DLG2: variants seen among roughly 807,000 people sequenced by gnomAD.
DLG2 encodes the protein discs large MAGUK scaffold protein 2.
Under a neutral mutation model 132.5 loss-of-function variants are expected in DLG2, and 45 were observed. That is an observed-to-expected ratio of 0.34 (90% CI 0.27 to 0.44). DLG2 has a LOEUF of 0.44. Ranked by LOEUF, DLG2 falls within the 20% of genes least tolerant of loss-of-function variation. The probability of loss-of-function intolerance (pLI) is 1.00; values close to 1 mark genes in which losing one functional copy is unlikely to be tolerated. For synonymous variants in DLG2, 424 were observed against 419.6 expected, an observed-to-expected ratio of 1.01 and a Z score of -0.13; for missense variants, 1,045 against 1,196.9, an observed-to-expected ratio of 0.87 and a Z score of 1.87.
At chr11:85,472,611 T>C (rs2093020976) in intron 3 of DLG2, among the ~76,000 whole-genome samples, 1 of 152,174 alleles carries the variant, frequency 6.6e-6, no homozygotes, top group South Asian at 2.1e-4. Context: ...AGCTATTCTG[T>C]TGCTCAACAA....
chr11:85,132,041 T>C (rs529426108), intron 5 of DLG2, among the ~76,000 whole-genome samples: 1 of 152,316 alleles, frequency 6.6e-6, no homozygotes, highest in South Asian at 2.1e-4. Flanking sequence ...GATTATAAAA[T>C]TTAAATACAT....
chr11:84,524,894 A>G (rs2099315670), intron 7 of DLG2, among the ~76,000 whole-genome samples: 1 of 150,744 alleles, frequency 6.6e-6, no homozygotes, highest in Admixed American at 6.6e-5. Context: ...ATTTTAAAAC[A>G]TCTGCTATTT....
chr11:84,628,038 G>C (rs1370794427), intron 6 of DLG2, among the ~76,000 whole-genome samples: 1 of 151,666 alleles, frequency 6.6e-6, no homozygotes, highest in Non-Finnish European at 1.5e-5. Context: ...TAAATTACTA[G>C]ACCTCCCAAA....
chr11:85,394,287 C>A (rs1356339734), intron 3 of DLG2, among the ~76,000 whole-genome samples: 17 of 152,158 alleles, frequency 1.1e-4, no homozygotes, highest in Admixed American at 1.0e-3. Flanking sequence ...ATGTGGTACA[C>A]CATAAATATA....
chr11:84,269,331 A>G (rs2097689505), intron 7 of DLG2, among the ~76,000 whole-genome samples: 1 of 152,252 alleles, frequency 6.6e-6, no homozygotes, highest in African/African-American at 2.4e-5. Flanking sequence ...AGACGAACAC[A>G]TGGAAAAATA....
At chr11:85,341,244 G>A (rs1292218732) in intron 3 of DLG2, among the ~76,000 whole-genome samples, 4 of 151,882 alleles carry the variant, frequency 2.6e-5, no homozygotes, top group Non-Finnish European at 5.9e-5. Context: ...TCAGCCTCCC[G>A]AGTAGCTGGG....
intron 16 of DLG2, among the ~76,000 whole-genome samples, chr11:83,854,286 G>T (rs1383469335): frequency 1.3e-5 from 2 of 152,076 alleles, no homozygotes; most frequent in African/African-American, 4.8e-5. Flanking sequence ...ACTCAATATT[G>T]TCAACATGTT....
At chr11:83,672,409 T>G (rs935220809) in intron 18 of DLG2, among the ~76,000 whole-genome samples, 3 of 152,114 alleles carry the variant, frequency 2.0e-5, no homozygotes, top group Non-Finnish European at 4.4e-5. Flanking sequence ...ACTCCTGACC[T>G]CAGGTGATCC....
intron 9 of DLG2, among the ~76,000 whole-genome samples, chr11:84,145,903 A>C (rs1051431214): frequency 6.6e-6 from 1 of 152,204 alleles, no homozygotes; most frequent in African/African-American, 2.4e-5. Flanking sequence ...TTTGATGCTT[A>C]CATCTAAAGA....
intron 6 of DLG2, among the ~76,000 whole-genome samples, chr11:84,821,508 A>G (rs2077671657): frequency 6.6e-6 from 1 of 151,546 alleles, no homozygotes; most frequent in African/African-American, 2.4e-5. Flanking sequence ...ATTATTTTAG[A>G]TTGTTTTTCA....
At chr11:83,513,567 T>C (rs188058612) in intron 21 of DLG2, among the ~76,000 whole-genome samples, 7 of 152,282 alleles carry the variant, frequency 4.6e-5, no homozygotes, top group South Asian at 2.1e-4. Flanking sequence ...CTTTTGTTGC[T>C]ATTGCTTTTA....
intron 18 of DLG2, among the ~76,000 whole-genome samples, chr11:83,638,224 C>T (rs2065369521): frequency 6.6e-6 from 1 of 152,062 alleles, no homozygotes; most frequent in South Asian, 2.1e-4. Context: ...TTGTTCCTGA[C>T]TAGGTGCATT....
chr11:84,498,665 A>G (rs2099192809), intron 7 of DLG2, among the ~76,000 whole-genome samples: 2 of 152,192 alleles, frequency 1.3e-5, no homozygotes, highest in Admixed American at 6.5e-5. Context: ...TAAAAAAATG[A>G]TATCTATGAA....
At chr11:85,025,027 C>A (rs918653129) in intron 6 of DLG2, among the ~76,000 whole-genome samples, 5 of 152,194 alleles carry the variant, frequency 3.3e-5, no homozygotes, top group Admixed American at 1.3e-4. Flanking sequence ...ATATTTACGT[C>A]TGTGCAATAT....
chr11:83,541,666 CA>C lies in DLG2; in HGVS notation c.2117+15del, dbSNP rs755448333. The C allele has an allele frequency of 6.3e-7, 1 of 1,585,760 alleles. No individual in the cohort carries two copies. Among genetic ancestry groups the C allele is most frequent in the South Asian group, 1.1e-5 (1 of 87,130 alleles). ...TAGCTGACAAGCAAATATTCTAGTA[CA>C]AAAGGCATTCTTACCTCCTTTTGCT... On this transcript the variant is annotated intron_variant, in intron 20 of 27. Transcript: ENST00000376104.
At chr11:85,150,592 T>A (rs1487642797) in intron 5 of DLG2, among the ~76,000 whole-genome samples, 1 of 152,156 alleles carries the variant, frequency 6.6e-6, no homozygotes, top group African/African-American at 2.4e-5. Context: ...AGTGGAATCA[T>A]ACAGTGTTTG....
chr11:84,449,881 A>G (rs1242963408), intron 7 of DLG2, among the ~76,000 whole-genome samples: 3 of 151,932 alleles, frequency 2.0e-5, no homozygotes, highest in Non-Finnish European at 4.4e-5. Context: ...AAAACAAGTA[A>G]TTTTAAAGTC....
At chr11:85,068,927 C>G (rs374145751) in intron 6 of DLG2, among the ~76,000 whole-genome samples, 1 of 152,136 alleles carries the variant, frequency 6.6e-6, no homozygotes. Flanking sequence ...GTAACCAAAA[C>G]AGCATGGTAC....
chr11:83,992,115 G>T (rs1371079291), intron 11 of DLG2, among the ~76,000 whole-genome samples: 1 of 152,124 alleles, frequency 6.6e-6, no homozygotes, highest in African/African-American at 2.4e-5. Context: ...GCATTTCTAA[G>T]TTGTACTCCA....
Sources: allele counts gnomAD v4.1 joint callset (sites outside exome capture counted in the v4.1 genomes callset), GRCh38; gene constraint gnomAD v4.1.1; transcripts MANE v1.5; gene names NCBI Gene and HGNC (gene_info 2026-07-23, HGNC 2026-07-21).